TPO: variants seen among roughly 807,000 people sequenced by gnomAD.
TPO encodes the protein thyroid microsomal antigen.
In TPO, 78 loss-of-function variants were observed where a neutral mutation model predicts 96.9. The ratio of observed to expected loss-of-function variants is 0.81; its 90% CI spans 0.67 to 0.97. TPO has a LOEUF of 0.97. Among genes scored for constraint, TPO ranks in the 50% least tolerant of loss-of-function variants. The pLI is 0.00. For synonymous variants in TPO, 547 were observed against 538.0 expected (o/e 1.02, Z -0.23); for missense variants, 1,252 against 1,274.8 (o/e 0.98, Z 0.27).
In TPO at chr2:1,396,648, C is replaced by T. The variant is rs563351894; in HGVS notation, n.180+22246C>T. On this transcript the variant is annotated intron_variant and non_coding_transcript_variant, in intron 1 of 5. Coordinates refer to the TPO transcript ENST00000497517. Reference sequence around the variant, plus strand: ...CCCTCAGATGCGTGAGGATGGGCATCGCGTCACGGGGAGACAGTCTCATCC... The same window carrying T: ...CCCTCAGATGCGTGAGGATGGGCATTGCGTCACGGGGAGACAGTCTCATCC... 3.2e-4 allele frequency among the ~76,000 whole-genome samples: 48 copies of T among 152,278 alleles called. 1 individual carries two copies. In the South Asian group the frequency reaches 8.3e-3, roughly 26 times the overall value.
At chr2:1,471,118 G>A (rs1460183942) in intron 7 of TPO, among the ~76,000 whole-genome samples, 2 of 152,152 alleles carry the variant, frequency 1.3e-5, no homozygotes, top group Admixed American at 6.5e-5. Flanking sequence ...GTCAGGGGTT[G>A]CCCATTCTTT....
chr2:1,433,641 C>A lies in TPO; in HGVS notation c.349+34C>A. 3 of 1,603,612 alleles carry A rather than the reference C, an allele frequency of 1.9e-6. No homozygotes were observed. The Admixed American group carries it at 5.2e-5, about 28-fold the overall frequency. On this transcript the variant is annotated intron_variant, in intron 4 of 16. Coordinates refer to ENST00000329066, the MANE Select transcript of TPO (RefSeq NM_001206744.2). ...TGCCCCTCTCCCCACTGAGGAGCGG[C>A]AACTCCCGAAGGAGGACACCTTGAC...
At chr2:1,476,449 A>C (rs1270717763) in intron 7 of TPO, among the ~76,000 whole-genome samples, 1 of 152,214 alleles carries the variant, frequency 6.6e-6, no homozygotes, top group Non-Finnish European at 1.5e-5. Context: ...AGCTGGCCAC[A>C]GCCAGAGTTG....
intron 14 of TPO, among the ~76,000 whole-genome samples, chr2:1,506,685 T>C (rs529098377): frequency 6.6e-6 from 1 of 152,384 alleles, no homozygotes; most frequent in South Asian, 2.1e-4. Context: ...ATGTCTTCTT[T>C]TGAGAAGTGT....
At chr2:1,479,115 C>T (rs958556874) in intron 8 of TPO, among the ~76,000 whole-genome samples, 13 of 152,240 alleles carry the variant, frequency 8.5e-5, no homozygotes, top group Non-Finnish European at 1.2e-4. Flanking sequence ...CCCGTGCAAA[C>T]GGGAATATAA....
intron 1 of TPO, among the ~76,000 whole-genome samples, chr2:1,400,907 T>C (rs2148373587): frequency 6.6e-6 from 1 of 152,364 alleles, no homozygotes; most frequent in South Asian, 2.1e-4. Flanking sequence ...TCATGTATCC[T>C]TGTGGCAAAA....
At position 1,456,337 on chromosome 2, in the gene TPO, C is replaced by T. The variant is rs185037781; in HGVS notation, c.819+55C>T. The T allele has an allele frequency of 3.8e-5, 60 of 1,568,338 alleles. No homozygotes were observed. The African/African-American group carries it at 7.2e-4, about 19-fold the overall frequency. On this transcript the variant is annotated intron_variant, in intron 7 of 16. Coordinates refer to ENST00000329066, the MANE Select transcript of TPO (RefSeq NM_001206744.2). ...TTATGAAACTAAGTGCTATTTAAAA[C>T]GTCAAACAGAATGGTATAAAACAAA...
chr2:1,531,251 C>T (rs1434654261), intron 15 of TPO, among the ~76,000 whole-genome samples: 1 of 123,284 alleles, frequency 8.1e-6, no homozygotes, highest in South Asian at 3.0e-4. Context: ...GCCTCATATT[C>T]CCCCCACTGT....
At chr2:1,539,259 C>T (rs1405664728) in intron 15 of TPO, among the ~76,000 whole-genome samples, 4 of 152,218 alleles carry the variant, frequency 2.6e-5, no homozygotes, top group Admixed American at 2.6e-4. Context: ...TAGAAGCTGG[C>T]ATTGGTGCTA....
chr2:1,486,451 G>A (rs1309885094), intron 9 of TPO, among the ~76,000 whole-genome samples: 3 of 151,982 alleles, frequency 2.0e-5, no homozygotes, highest in African/African-American at 4.8e-5. Flanking sequence ...CAGGAGAATC[G>A]CTTGAACCTG....
intron 1 of TPO, among the ~76,000 whole-genome samples, chr2:1,400,002 C>A (rs1012455234): frequency 2.0e-5 from 3 of 152,232 alleles, no homozygotes; most frequent in Admixed American, 6.5e-5. Context: ...CCAGACGCCC[C>A]TGGGCTCTCT....
In TPO at chr2:1,390,106, G is replaced by A. The variant is rs150055965; in HGVS notation, n.180+15704G>A. On this transcript the variant is annotated intron_variant and non_coding_transcript_variant, in intron 1 of 5. Transcript: ENST00000497517. Reference sequence around the variant, plus strand: ...ACATGGGTGTACATGTGCCATGTTCGTTTGCCACACCTATCAACTCGTTAT... The same window carrying A: ...ACATGGGTGTACATGTGCCATGTTCATTTGCCACACCTATCAACTCGTTAT... 2.6e-3 allele frequency among the ~76,000 whole-genome samples: 398 copies of A among 150,200 alleles called. 1 individual carries two copies. Among genetic ancestry groups the A allele is most frequent in the African/African-American group, 9.2e-3 (376 of 40,748 alleles).
intron 3 of TPO, among the ~76,000 whole-genome samples, chr2:1,427,360 CCAGG>C (rs1414941037): frequency 2.0e-5 from 3 of 152,174 alleles, no homozygotes; most frequent in Admixed American, 1.3e-4. Flanking sequence ...GGCCTGCGGC[CCAGG>C]CTGCATCAGC....
At chr2:1,422,116 A>T (rs546302695) in intron 2 of TPO, among the ~76,000 whole-genome samples, 3 of 152,204 alleles carry the variant, frequency 2.0e-5, no homozygotes, top group Non-Finnish European at 4.4e-5. Context: ...CCAGAACCCA[A>T]GAGAGATCCA....
chr2:1,422,056 C>A (rs1346119336), intron 2 of TPO, among the ~76,000 whole-genome samples: 1 of 152,232 alleles, frequency 6.6e-6, no homozygotes, highest in Non-Finnish European at 1.5e-5. Context: ...CTCTGCCCAA[C>A]CCTGAGGGGT....
chr2:1,414,960 T>C (rs934365899), intron 2 of TPO, among the ~76,000 whole-genome samples: 4 of 152,276 alleles, frequency 2.6e-5, no homozygotes, highest in African/African-American at 9.6e-5. Flanking sequence ...TTCCAAACCC[T>C]GAGAACAAGT....
intron 10 of TPO, among the ~76,000 whole-genome samples, chr2:1,490,861 G>A (rs1164091656): frequency 6.6e-6 from 1 of 152,222 alleles, no homozygotes; most frequent in Non-Finnish European, 1.5e-5. Context: ...AATATAAAAT[G>A]TACAACCTTC....
At chr2:1,531,184 T>TCCCCAAATCCCCACACTGTCTGCAACCA (rs1678112222) in intron 15 of TPO, among the ~76,000 whole-genome samples, 1 of 70,986 alleles carries the variant, frequency 1.4e-5, no homozygotes, top group African/African-American at 6.4e-5. Context: ...GTGAGCAACC[T>TCCCCAAATCCCCACACTGTCTGCAACCA]CCCCAAATCC....
chr2:1,535,107 T>C (rs75930342), intron 15 of TPO, among the ~76,000 whole-genome samples: 7,011 of 12,668 alleles, frequency 0.55, 1,562 homozygotes, highest in Middle Eastern at 0.64. Context: ...TAACTCTGTG[T>C]AACCTCCTCA....
Sources: gnomAD v4.1 joint callset for allele counts (sites outside exome capture counted in the v4.1 genomes callset) on GRCh38, gnomAD v4.1.1 for gene constraint, MANE v1.5 for transcripts, NCBI Gene and HGNC (gene_info 2026-07-23, HGNC 2026-07-21) for gene names.